GALNT13: variants seen among roughly 807,000 people sequenced by gnomAD.
GALNT13 encodes the protein UDP-GalNAc:polypeptide N-acetylgalactosaminyltransferase 13.
In GALNT13, 28 loss-of-function variants were observed where a neutral mutation model predicts 64.2. The ratio of observed to expected loss-of-function variants is 0.44; its 90% confidence interval spans 0.32 to 0.60. GALNT13 has a LOEUF of 0.60. Ranked by LOEUF, GALNT13 falls within the 20% of genes least tolerant of loss-of-function variation. GALNT13 has a pLI of 0.05. For missense variants in GALNT13, 577 were observed against 669.8 expected (o/e 0.86, Z 1.53); for synonymous variants, 214 against 224.6 (o/e 0.95, Z 0.42).
At chr2:153,872,647 C>A (rs1686055676) in intron 1 of GALNT13, among the ~76,000 whole-genome samples, 1 of 143,886 alleles carries the variant, frequency 6.9e-6, no homozygotes, top group East Asian at 2.6e-4. Context: ...CGGCTCTGGC[C>A]CCCTCTGCGT....
At chr2:153,593,997 T>C in the GALNT13 span, among the ~76,000 whole-genome samples, 4 of 152,298 alleles carry the variant, frequency 2.6e-5, no homozygotes, top group African/African-American at 7.2e-5. Context: ...ATATGCATCA[T>C]AGATATTCTA....
the GALNT13 span, among the ~76,000 whole-genome samples, chr2:153,300,628 C>A: frequency 6.6e-6 from 1 of 152,100 alleles, no homozygotes; most frequent in African/African-American, 2.4e-5. Flanking sequence ...ACATAGATAA[C>A]AATTTGTAAA....
At chr2:153,409,601 C>T in the GALNT13 span, among the ~76,000 whole-genome samples, 1 of 151,774 alleles carries the variant, frequency 6.6e-6, no homozygotes, top group African/African-American at 2.4e-5. Flanking sequence ...TTCATAATCC[C>T]AAGAATCAGT....
At chr2:154,147,775 G>T (rs1313483526) in intron 4 of GALNT13, among the ~76,000 whole-genome samples, 1 of 151,668 alleles carries the variant, frequency 6.6e-6, no homozygotes, top group African/African-American at 2.4e-5. Flanking sequence ...AATCTACCTG[G>T]TAATCATATT....
the GALNT13 span, among the ~76,000 whole-genome samples, chr2:153,710,463 T>A: frequency 6.6e-6 from 1 of 152,178 alleles, no homozygotes; most frequent in Middle Eastern, 3.4e-3. Context: ...CCCAGAAGGA[T>A]CTCAATAAGT....
chr2:154,133,059 G>A (rs1386841969), intron 3 of GALNT13, among the ~76,000 whole-genome samples: 6 of 152,142 alleles, frequency 3.9e-5, no homozygotes, highest in Non-Finnish European at 8.8e-5. Flanking sequence ...CCACTGTAGT[G>A]CCTATTGGCT....
In GALNT13 at chr2:154,030,687, T is replaced by C. The variant is rs1487059900; in HGVS notation, c.142+86048T>C. On this transcript the variant is annotated intron_variant, in intron 3 of 12. Transcript: ENST00000392825. ...TCATGGGTGCAGATTTCCCCCTTGC[T>C]GTTCTCATGATGGTGAGTGAGTTCT... Among the ~76,000 whole-genome samples the C allele has an allele frequency of 2.6e-5, 4 of 152,154 alleles. No homozygotes were observed. The East Asian group carries it at 7.7e-4, about 29-fold the overall frequency.
chr2:154,056,083 C>A (rs1183300165), intron 3 of GALNT13, among the ~76,000 whole-genome samples: 1 of 151,976 alleles, frequency 6.6e-6, no homozygotes, highest in African/African-American at 2.4e-5. Flanking sequence ...AAAATGTTTT[C>A]ATCTGATTTA....
At chr2:153,142,057 G>A in the GALNT13 span, among the ~76,000 whole-genome samples, 3 of 152,056 alleles carry the variant, frequency 2.0e-5, no homozygotes, top group African/African-American at 7.2e-5. Context: ...TTTTTGCTAT[G>A]ATGGGAAAAA....
chr2:153,263,522 G>T, the GALNT13 span, among the ~76,000 whole-genome samples: 2 of 152,066 alleles, frequency 1.3e-5, no homozygotes, highest in East Asian at 3.9e-4. Context: ...AAAGCTAGAG[G>T]CATCATGCTA....
chr2:153,561,079 C>T, the GALNT13 span, among the ~76,000 whole-genome samples: 2 of 151,826 alleles, frequency 1.3e-5, no homozygotes, highest in African/African-American at 4.8e-5. Flanking sequence ...AAAACCTTCC[C>T]TTCCATTATA....
chr2:153,406,894 C>T, the GALNT13 span, among the ~76,000 whole-genome samples: 1 of 152,100 alleles, frequency 6.6e-6, no homozygotes, highest in South Asian at 2.1e-4. Flanking sequence ...ACTGTTTTCA[C>T]ATGTGGTTGA....
the GALNT13 span, among the ~76,000 whole-genome samples, chr2:153,479,858 T>G: frequency 6.6e-6 from 1 of 152,194 alleles, no homozygotes; most frequent in Non-Finnish European, 1.5e-5. Flanking sequence ...AGATTAAGTT[T>G]CTTAACTCTG....
chr2:153,752,106 A>G, the GALNT13 span, among the ~76,000 whole-genome samples: 1 of 152,000 alleles, frequency 6.6e-6, no homozygotes, highest in African/African-American at 2.4e-5. Flanking sequence ...AAACAAATAA[A>G]ACTAATAAAA....
the GALNT13 span, among the ~76,000 whole-genome samples, chr2:153,110,247 C>G: frequency 6.6e-6 from 1 of 151,936 alleles, no homozygotes; most frequent in Non-Finnish European, 1.5e-5. Context: ...TGTTCCTGGG[C>G]CCCCAATTTT....
chr2:153,622,534 G>A, the GALNT13 span, among the ~76,000 whole-genome samples: 5 of 152,152 alleles, frequency 3.3e-5, no homozygotes, highest in African/African-American at 1.2e-4. Flanking sequence ...TTATGGTCTC[G>A]CCAAAGGGCA....
intron 3 of GALNT13, among the ~76,000 whole-genome samples, chr2:154,135,465 T>A (rs950409906): frequency 2.0e-5 from 3 of 152,192 alleles, no homozygotes; most frequent in Non-Finnish European, 4.4e-5. Context: ...AATCTTACTG[T>A]CAGATGTGTC....
At chr2:154,236,176 T>G in intron 4 of GALNT13, 1 of 1,085,462 alleles carries the variant, frequency 9.2e-7, no homozygotes, top group Non-Finnish European at 1.1e-6. Context: ...TTATATGACA[T>G]AAAGGTAATC....
At chr2:153,762,373 T>C in the GALNT13 span, 3 of 152,212 alleles carry the variant, frequency 2.0e-5, no homozygotes, top group African/African-American at 7.2e-5. Flanking sequence ...TCTTCCTCCA[T>C]AAATAATTAT....
Sources: gnomAD v4.1 joint callset for allele counts (sites outside exome capture counted in the v4.1 genomes callset) on GRCh38, gnomAD v4.1.1 for gene constraint, MANE v1.5 for transcripts, NCBI Gene and HGNC (gene_info 2026-07-23, HGNC 2026-07-21) for gene names.